The following CCDC33 variants were observed in gnomAD, a reference collection of about 807,000 sequenced individuals.
CCDC33 encodes the protein coiled-coil domain containing 33.
In CCDC33, 94 loss-of-function variants were observed where a neutral mutation model predicts 91.9. The ratio of observed to expected loss-of-function variants is 1.02; its 90% CI spans 0.87 to 1.21. CCDC33 has a LOEUF of 1.21. Among genes scored for constraint, CCDC33 ranks in the 50% most tolerant of loss-of-function variants. The pLI is 0.00. For synonymous variants in CCDC33, 396 were observed against 374.5 expected (o/e 1.06, Z -0.66); for missense variants, 940 against 935.5 (o/e 1.00, Z -0.06).
In CCDC33 at chr15:74,238,590, C is replaced by T. The variant is rs548146529; in HGVS notation, c.21+1850C>T. 5.9e-4 allele frequency among the ~76,000 whole-genome samples: 90 copies of T among 151,606 alleles called. No individual in the cohort carries two copies. The East Asian group carries it at 0.016, about 28-fold the overall frequency. On this transcript the variant is annotated intron_variant, in intron 1 of 18. Transcript: ENST00000398814. ...GCAGCAAACATTTTCTCCTTTTTTT[C>T]TTTTCTTTGTATTGCAGGGCATTTT...
At chr15:74,213,559 T>G (rs147724812), upstream of CCDC33, 32 of 152,384 alleles carry the variant, frequency 2.1e-4, no homozygotes, top group African/African-American at 7.7e-4. Flanking sequence ...CCTATTCACC[T>G]GCCTCTTGTT....
chr15:74,236,361 CT>C lies in CCDC33; in HGVS notation c.-358del, dbSNP rs1341891976. 1.1e-5 allele frequency: 3 copies of C among 264,342 alleles called. No individual in the cohort carries two copies. Among genetic ancestry groups the C allele is most frequent in the Non-Finnish European group, 2.1e-5 (3 of 139,920 alleles). The allele number at this position is 264,342 out of a possible 1,614,324, so 16.4% of individuals were successfully genotyped here. A position where few individuals can be genotyped will look rare whatever the true frequency, so the allele number is the denominator to read the frequency against. ...AGGCCTGGGCAGAGACAGGGCCCCC[CT>C]GCCCCATCTCTCCACCGTCCTAGGT... is the stretch of plus-strand genomic sequence containing the variant. On this transcript the variant is annotated 5_prime_UTR_variant, in exon 1 of 19. Transcript: ENST00000398814.
chr15:74,232,123 G>A (rs117548029), upstream of CCDC33, among the ~76,000 whole-genome samples: 1 of 152,204 alleles, frequency 6.6e-6, no homozygotes, highest in Admixed American at 6.5e-5. Context: ...CACAGTAAGT[G>A]CTCACTAAAA....
At chr15:74,247,093 C>T (rs569412156) in intron 2 of CCDC33, among the ~76,000 whole-genome samples, 1 of 150,616 alleles carries the variant, frequency 6.6e-6, no homozygotes, top group Admixed American at 6.6e-5. Context: ...TGCAGTGAGC[C>T]AAGATTGCGC....
At chr15:74,288,875 C>T (rs1567002855) in intron 10 of CCDC33, among the ~76,000 whole-genome samples, 2 of 152,314 alleles carry the variant, frequency 1.3e-5, no homozygotes, top group East Asian at 3.9e-4. Flanking sequence ...TCCTGAGTTT[C>T]ACTGTTCTCA....
intron 2 of CCDC33, chr15:74,209,609 A>T (rs868614438): frequency 6.3e-6 from 4 of 634,394 alleles, no homozygotes; most frequent in Admixed American, 5.8e-5. Flanking sequence ...TCTCACAGAC[A>T]GGCTGGGGTT....
At chr15:74,235,320 T>A (rs1045931826), upstream of CCDC33, among the ~76,000 whole-genome samples, 6 of 152,164 alleles carry the variant, frequency 3.9e-5, no homozygotes, top group Non-Finnish European at 8.8e-5. Flanking sequence ...GAGAACCACA[T>A]CCTTGCTGCT....
chr15:74,248,446 C>T (rs947391190), intron 2 of CCDC33, among the ~76,000 whole-genome samples: 1 of 152,096 alleles, frequency 6.6e-6, no homozygotes, highest in Non-Finnish European at 1.5e-5. Flanking sequence ...CCCATCTTCT[C>T]TCACCTGAGG....
At chr15:74,322,395 A>G (rs2060225148) in intron 11 of CCDC33, among the ~76,000 whole-genome samples, 1 of 152,176 alleles carries the variant, frequency 6.6e-6, no homozygotes, top group Non-Finnish European at 1.5e-5. Flanking sequence ...AGGAATTAGC[A>G]GCTAGCAGGG....
At chr15:74,240,747 C>A (rs1325181602) in intron 1 of CCDC33, among the ~76,000 whole-genome samples, 1 of 152,144 alleles carries the variant, frequency 6.6e-6, no homozygotes, top group Non-Finnish European at 1.5e-5. Flanking sequence ...CTCATGCCAC[C>A]GCACCTGGCT....
chr15:74,242,092 G>T (rs2142259292), intron 1 of CCDC33, among the ~76,000 whole-genome samples: 1 of 152,330 alleles, frequency 6.6e-6, no homozygotes, highest in East Asian at 1.9e-4. Context: ...ACTCCTCGGG[G>T]CAGAGCAGAG....
chr15:74,249,545 C>T (rs1029659261), intron 2 of CCDC33, among the ~76,000 whole-genome samples: 1 of 151,946 alleles, frequency 6.6e-6, no homozygotes, highest in African/African-American at 2.4e-5. Context: ...ACTAGGATTG[C>T]AGTGCATTGT....
chr15:74,281,860 G>A lies in CCDC33; in HGVS notation c.1095+11G>A. On this transcript the variant is annotated intron_variant, in intron 10 of 18. Transcript: ENST00000398814. ...CTGCTTTCCTCTGAGGTAAGGCTGT[G>A]GGCCAGGGGAGGGTCAGGGCCAGCA... The A allele has an allele frequency of 1.2e-6, 2 of 1,612,698 alleles. No individual in the cohort carries two copies. The highest frequency in any genetic ancestry group is 1.7e-6 in the Non-Finnish European group (2 of 1,178,858).
At chr15:74,274,936 C>T (rs2076413374) in intron 7 of CCDC33, among the ~76,000 whole-genome samples, 1 of 152,224 alleles carries the variant, frequency 6.6e-6, no homozygotes, top group Non-Finnish European at 1.5e-5. Context: ...CAGAGGTGCC[C>T]AGGTGCAGCA....
intron 2 of CCDC33, among the ~76,000 whole-genome samples, chr15:74,254,816 C>T (rs549862159): frequency 1.5e-4 from 22 of 146,212 alleles, no homozygotes; most frequent in African/African-American, 5.3e-4. Flanking sequence ...GATGTGATCT[C>T]GGCTCACTGC....
At chr15:74,301,845 GCTCT>G (rs1005335107) in intron 11 of CCDC33, 3 of 151,308 alleles carry the variant, frequency 2.0e-5, no homozygotes, top group African/African-American at 7.3e-5. Flanking sequence ...GCTCTCTCTC[GCTCT>G]CTCTCTTTTT....
chr15:74,333,233 G>A, intron 16 of CCDC33: 2 of 1,595,980 alleles, frequency 1.3e-6, no homozygotes, highest in Non-Finnish European at 1.7e-6. Context: ...GGACCCCGGG[G>A]AGTTGGGAGC....
At chr15:74,213,681 G>A (rs1416680599), upstream of CCDC33, among the ~76,000 whole-genome samples, 2 of 152,190 alleles carry the variant, frequency 1.3e-5, no homozygotes, top group Non-Finnish European at 2.9e-5. Context: ...GAGGGAGACT[G>A]GCTGCCATTC....
chr15:74,292,547 C>T (rs139084458), intron 10 of CCDC33, among the ~76,000 whole-genome samples: 115 of 152,314 alleles, frequency 7.6e-4, no homozygotes, highest in Middle Eastern at 3.4e-3. Context: ...ATGTGCCCTG[C>T]GGGATCTGTG....
Sources: gnomAD v4.1 joint callset for allele counts (sites outside exome capture counted in the v4.1 genomes callset) on GRCh38, gnomAD v4.1.1 for gene constraint, MANE v1.5 for transcripts, NCBI Gene and HGNC (gene_info 2026-07-23, HGNC 2026-07-21) for gene names.